PTK2B: variants seen among roughly 807,000 people sequenced by gnomAD.
PTK2B encodes protein-tyrosine kinase 2-beta.
Under a neutral mutation model 142.9 loss-of-function variants are expected in PTK2B, and 71 were observed. The ratio of observed to expected loss-of-function variants is 0.50; its 90% CI spans 0.41 to 0.61. The LOEUF is 0.61. PTK2B is among the 20% of genes least tolerant of loss of function. PTK2B has a pLI of 0.00. For missense variants in PTK2B, 1,105 were observed against 1,320.4 expected, an observed-to-expected ratio of 0.84 and a Z score of 2.53; for synonymous variants, 519 against 503.4, an observed-to-expected ratio of 1.03 and a Z score of -0.42.
chr8:27,439,565 G>T (rs1378265951), intron 20 of PTK2B, among the ~76,000 whole-genome samples, 167 bp downstream of exon 20: 1 of 152,122 alleles, frequency 6.6e-6, no homozygotes, highest in Non-Finnish European at 1.5e-5. Flanking sequence ...GCCAGTAGGG[G>T]TAGGAAGGGG....
intron 1 of PTK2B, among the ~76,000 whole-genome samples, chr8:27,383,025 G>A (rs1369562928): frequency 6.6e-6 from 1 of 151,992 alleles, no homozygotes; most frequent in Non-Finnish European, 1.5e-5. Context: ...GAATTGCTTT[G>A]GCTATTTGGG....
intron 1 of PTK2B, among the ~76,000 whole-genome samples, chr8:27,326,242 G>A (rs928055049): frequency 4.6e-5 from 7 of 151,948 alleles, no homozygotes; most frequent in Non-Finnish European, 1.0e-4. Flanking sequence ...GTGTGTGTGT[G>A]TGTGTGTGTG....
intron 1 of PTK2B, among the ~76,000 whole-genome samples, chr8:27,348,441 G>A (rs567132619): frequency 6.6e-5 from 10 of 151,922 alleles, no homozygotes; most frequent in South Asian, 2.1e-4. Flanking sequence ...TCTTCCCGGC[G>A]TGCACACACA....
At chr8:27,423,435 C>A (rs1195101506) in intron 5 of PTK2B, among the ~76,000 whole-genome samples, 2 of 152,042 alleles carry the variant, frequency 1.3e-5, no homozygotes, top group Admixed American at 6.5e-5. Context: ...ACGTCCTGGC[C>A]CTACCCTTGG....
At chr8:27,371,545 T>TTA (rs148359194) in intron 1 of PTK2B, among the ~76,000 whole-genome samples, 6,057 of 147,402 alleles carry the variant, frequency 0.041, 223 homozygotes, top group African/African-American at 0.099. Flanking sequence ...TTTTTATTAT[T>TTA]TATATATATA....
At chr8:27,311,334 G>A, upstream of PTK2B, 1 of 1,363,720 alleles carries the variant, frequency 7.3e-7, no homozygotes, top group Non-Finnish European at 9.7e-7. Context: ...GAATCGCCCA[G>A]TCCCTTCCCC....
chr8:27,396,259 G>T (rs1248891532), intron 1 of PTK2B: 1 of 152,166 alleles, frequency 6.6e-6, no homozygotes, highest in African/African-American at 2.4e-5. Flanking sequence ...CTATTGTCCA[G>T]CACAGTGTGA....
At chr8:27,310,750 T>C, upstream of PTK2B, 1 of 1,524,024 alleles carries the variant, frequency 6.6e-7, no homozygotes, top group Non-Finnish European at 8.8e-7. Flanking sequence ...AGCCAAGGGA[T>C]TCCGGGTTCC....
chr8:27,375,165 G>T (rs1806591939), intron 1 of PTK2B, among the ~76,000 whole-genome samples: 1 of 152,190 alleles, frequency 6.6e-6, no homozygotes, highest in Non-Finnish European at 1.5e-5. Context: ...GGAGGACATG[G>T]GCTCAGGAGT....
chr8:27,451,571 CT>C (rs1384158114), intron 27 of PTK2B, 62 bp downstream of exon 27: 8 of 1,612,462 alleles, frequency 5.0e-6, no homozygotes, highest in Non-Finnish European at 6.8e-6. Flanking sequence ...AGCCACCATC[CT>C]TGCCCACCGC....
chr8:27,420,609 A>G, intron 3 of PTK2B, 48 bp from the exon 4 acceptor site: 1 of 1,564,052 alleles, frequency 6.4e-7, no homozygotes. Context: ...TCCTTTCTTC[A>G]GGCACCAGCT....
chr8:27,310,857 G>C, upstream of PTK2B: 2 of 1,610,626 alleles, frequency 1.2e-6, no homozygotes, highest in South Asian at 2.2e-5. Context: ...TGGTGTCGGG[G>C]GTCGGCCTGG....
intron 5 of PTK2B, among the ~76,000 whole-genome samples, chr8:27,426,458 C>T (rs1025206374): frequency 1.3e-5 from 2 of 152,184 alleles, no homozygotes; most frequent in South Asian, 2.1e-4. Flanking sequence ...GACGTGGGTG[C>T]CCCTGGAGAG....
At chr8:27,423,217 AG>A (rs1449011257) in intron 5 of PTK2B, among the ~76,000 whole-genome samples, 1 of 152,170 alleles carries the variant, frequency 6.6e-6, no homozygotes, top group Non-Finnish European at 1.5e-5. Flanking sequence ...CTTAGCTGCC[AG>A]GGGGTCATTG....
intron 29 of PTK2B, 101 bp from the exon 30 acceptor site, chr8:27,454,430 C>T: frequency 1.3e-6 from 2 of 1,545,722 alleles, no homozygotes; most frequent in Admixed American, 3.4e-5. Flanking sequence ...CCAGGCCACT[C>T]GCGGGGGACA....
rs1160808475 is a variant in PTK2B, at chr8:27,437,212, G to T, written c.1426+6G>T. 11 of 1,610,124 alleles carry T rather than the reference G, an allele frequency of 6.8e-6. No individual in the cohort carries two copies. The African/African-American group carries it at 9.4e-5, about 14-fold the overall frequency. ...GAAGTTCATGAGCGAGGCAGGTAGG[G>T]ACCCCTGAGACCAACCAGGCCTCCA... On this transcript the variant is annotated splice_donor_region_variant and intron_variant, in intron 16 of 30. Transcript: ENST00000346049.
intron 1 of PTK2B, among the ~76,000 whole-genome samples, chr8:27,334,424 C>T (rs1387407039): frequency 6.6e-6 from 1 of 152,168 alleles, no homozygotes; most frequent in Non-Finnish European, 1.5e-5. Flanking sequence ...TTTGGAATGC[C>T]AGCCCCATGC....
At chr8:27,383,797 C>T (rs1807173587) in intron 1 of PTK2B, among the ~76,000 whole-genome samples, 1 of 151,054 alleles carries the variant, frequency 6.6e-6, no homozygotes, top group Admixed American at 6.6e-5. Flanking sequence ...CTGATCCTCC[C>T]ACCTCAACCT....
chr8:27,342,099 C>T (rs1023208474), intron 1 of PTK2B, among the ~76,000 whole-genome samples: 9 of 152,268 alleles, frequency 5.9e-5, no homozygotes, highest in African/African-American at 2.2e-4. Context: ...GGGAACCCCA[C>T]TTTGAGAACC....
Sources: gnomAD v4.1 joint callset for allele counts (sites outside exome capture counted in the v4.1 genomes callset) on GRCh38, gnomAD v4.1.1 for gene constraint, MANE v1.5 for transcripts, NCBI Gene and HGNC (gene_info 2026-07-23, HGNC 2026-07-21) for gene names.